The following MEGF11 variants were observed in gnomAD, a reference collection of about 807,000 sequenced individuals.
MEGF11 encodes multiple EGF like domains 11, also known as multiple epidermal growth factor-like domains protein 11.
A neutral mutation model predicts 146.6 loss-of-function variants in MEGF11; 126 were observed. The ratio of observed to expected loss-of-function variants is 0.86; its 90% confidence interval spans 0.74 to 1.00. The LOEUF is 1.00. MEGF11 is among the 50% of genes least tolerant of loss of function. MEGF11 has a pLI of 0.00. For missense variants in MEGF11, 1,509 were observed against 1,521.2 expected (o/e 0.99, Z 0.13); for synonymous variants, 532 against 583.4 (o/e 0.91, Z 1.27).
At chr15:66,226,555 T>C (rs1478015256) in intron 1 of MEGF11, among the ~76,000 whole-genome samples, 2 of 152,172 alleles carry the variant, frequency 1.3e-5, no homozygotes, top group African/African-American at 4.8e-5. Context: ...GCCCCTTAAT[T>C]TACTTAATAA....
intron 1 of MEGF11, among the ~76,000 whole-genome samples, chr15:66,130,935 T>C (rs752661260): frequency 6.6e-6 from 1 of 152,152 alleles, no homozygotes; most frequent in Non-Finnish European, 1.5e-5. Context: ...GCTGCAGTGA[T>C]TATTAGGCCA....
At chr15:66,134,766 C>T (rs796790495) in intron 1 of MEGF11, among the ~76,000 whole-genome samples, 84 of 152,382 alleles carry the variant, frequency 5.5e-4, no homozygotes, top group African/African-American at 1.9e-3. Context: ...GGCCAAGCCT[C>T]TCACGGGAGC....
chr15:65,935,931 C>T (rs1194920975), intron 10 of MEGF11, among the ~76,000 whole-genome samples: 3 of 152,184 alleles, frequency 2.0e-5, no homozygotes, highest in African/African-American at 7.2e-5. Context: ...ATGTTCATAG[C>T]AAGCCAATCA....
intron 10 of MEGF11, among the ~76,000 whole-genome samples, chr15:65,945,681 C>T (rs988426729): frequency 6.6e-6 from 1 of 152,160 alleles, no homozygotes; most frequent in African/African-American, 2.4e-5. Flanking sequence ...CTGGGCACTC[C>T]ATTCCTGCCA....
chr15:66,067,470 C>T (rs189171249), intron 5 of MEGF11, among the ~76,000 whole-genome samples: 2 of 152,286 alleles, frequency 1.3e-5, no homozygotes, highest in East Asian at 3.9e-4. Context: ...TTGCTGGAGG[C>T]CTTAAAGCTG....
chr15:66,004,067 A>G (rs999897805), intron 5 of MEGF11, among the ~76,000 whole-genome samples: 1 of 152,194 alleles, frequency 6.6e-6, no homozygotes, highest in African/African-American at 2.4e-5. Context: ...GGGTGACTCA[A>G]TATCTTGGAG....
intron 1 of MEGF11, among the ~76,000 whole-genome samples, chr15:66,253,260 C>G (rs888829818): frequency 3.9e-5 from 6 of 152,298 alleles, no homozygotes; most frequent in African/African-American, 1.4e-4. Flanking sequence ...CCCGGGACAC[C>G]CGCGCCGCGC....
chr15:66,245,622 C>T (rs906398767), intron 1 of MEGF11, among the ~76,000 whole-genome samples: 2 of 151,950 alleles, frequency 1.3e-5, no homozygotes, highest in African/African-American at 2.4e-5. Flanking sequence ...ACAGTGTGAC[C>T]CTGTCTCCAA....
chr15:66,222,577 G>A (rs561216414), intron 1 of MEGF11, among the ~76,000 whole-genome samples: 38 of 152,264 alleles, frequency 2.5e-4, no homozygotes, highest in Non-Finnish European at 4.9e-4. Context: ...GCAAGGACCG[G>A]GTCTCATTCA....
At chr15:65,994,603 T>G (rs2082146944) in intron 5 of MEGF11, among the ~76,000 whole-genome samples, 1 of 151,978 alleles carries the variant, frequency 6.6e-6, no homozygotes. Flanking sequence ...GTGAAGCAAG[T>G]TAGGGTGATT....
chr15:66,079,558 G>A (rs1051026340), intron 5 of MEGF11, among the ~76,000 whole-genome samples: 7 of 67,482 alleles, frequency 1.0e-4, no homozygotes, highest in Non-Finnish European at 1.6e-4. Flanking sequence ...CAGCACCCCC[G>A]CCAAAACTCA....
chr15:65,926,703 A>G (rs1473487218), intron 13 of MEGF11, among the ~76,000 whole-genome samples: 3 of 152,228 alleles, frequency 2.0e-5, no homozygotes, highest in Non-Finnish European at 2.9e-5. Flanking sequence ...CTTCAGGACC[A>G]CATTTGGGGA....
chr15:65,902,733 C>T (rs1042618624), intron 24 of MEGF11, among the ~76,000 whole-genome samples: 7 of 152,206 alleles, frequency 4.6e-5, no homozygotes, highest in African/African-American at 1.2e-4. Flanking sequence ...TCAGGATTGG[C>T]GGCTTGGTCC....
intron 10 of MEGF11, among the ~76,000 whole-genome samples, chr15:65,938,162 C>G (rs1421677848): frequency 6.6e-6 from 1 of 152,204 alleles, no homozygotes; most frequent in Non-Finnish European, 1.5e-5. Flanking sequence ...GTAGATAGCC[C>G]ATGATGCTAG....
chr15:65,935,069 C>T (rs1203711992), intron 10 of MEGF11, among the ~76,000 whole-genome samples: 1 of 151,990 alleles, frequency 6.6e-6, no homozygotes, highest in Non-Finnish European at 1.5e-5. Context: ...GCCTGTAATC[C>T]CAGCGCTTTG....
intron 5 of MEGF11, among the ~76,000 whole-genome samples, chr15:65,990,831 C>T (rs1462212742): frequency 2.0e-5 from 3 of 152,136 alleles, no homozygotes; most frequent in African/African-American, 7.2e-5. Context: ...CAAATGTCCC[C>T]ACTTGAGAAA....
chr15:65,895,583 A>C lies in MEGF11; in HGVS notation c.*2351T>G, dbSNP rs1162677946. 6.6e-6 allele frequency: 1 copy of C among 152,642 alleles called. No homozygotes were observed. Among genetic ancestry groups the C allele is most frequent in the Non-Finnish European group, 1.5e-5 (1 of 68,046 alleles). 9.5% of individuals were successfully genotyped at this position (152,642 alleles called of 1,614,324 possible). On this transcript the variant is annotated 3_prime_UTR_variant, in exon 26 of 26. Transcript: ENST00000395614. ...CCTATTTGTGATGGTGTTAGACAGAAGTTTCTAACAGTTGCTTTGTAAGAT... is the reference window on the plus strand; with the variant it reads ...CCTATTTGTGATGGTGTTAGACAGACGTTTCTAACAGTTGCTTTGTAAGAT...
At chr15:66,132,966 C>A (rs1028689839) in intron 1 of MEGF11, among the ~76,000 whole-genome samples, 3 of 152,156 alleles carry the variant, frequency 2.0e-5, no homozygotes, top group Non-Finnish European at 4.4e-5. Flanking sequence ...CTCAAGACAT[C>A]TTTGTCAACT....
chr15:66,000,072 G>A (rs1476209184), intron 5 of MEGF11, among the ~76,000 whole-genome samples: 8 of 152,208 alleles, frequency 5.3e-5, no homozygotes, highest in African/African-American at 1.2e-4. Flanking sequence ...CCAGTCAAGG[G>A]CACGGAAGCC....
Sources: gnomAD v4.1 joint callset for allele counts (sites outside exome capture counted in the v4.1 genomes callset) on GRCh38, gnomAD v4.1.1 for gene constraint, MANE v1.5 for transcripts, NCBI Gene and HGNC (gene_info 2026-07-23, HGNC 2026-07-21) for gene names.